Variants in TAF4B observed in about 807,000 individuals in gnomAD.
TAF4B encodes TATA-box binding protein associated factor 4b.
Under a neutral mutation model 86.4 loss-of-function variants are expected in TAF4B, and 38 were observed. That is an observed-to-expected ratio of 0.44 (90% CI 0.34 to 0.58). The LOEUF (loss-of-function observed/expected upper bound fraction) is 0.58. Among genes scored for constraint, TAF4B ranks in the 20% least tolerant of loss-of-function variants. TAF4B has a pLI of 0.02. For synonymous variants in TAF4B, 388 were observed against 391.2 expected (o/e 0.99, Z 0.10); for missense variants, 988 against 1,027.6 (o/e 0.96, Z 0.53).
chr18:26,305,943 T>C (rs2056790393), intron 9 of TAF4B, among the ~76,000 whole-genome samples: 1 of 152,156 alleles, frequency 6.6e-6, no homozygotes, highest in East Asian at 1.9e-4. Context: ...TATAGAAGAT[T>C]CCCATCTGAA....
In TAF4B at chr18:26,327,078, G is replaced by A. The variant is rs754959784; in HGVS notation, c.2197G>A (p.Asp733Asn). ...RSQLKFLEKL[D>N]QLEKQRKDLE... is the part of the protein sequence containing the mutation. ...ACAGCTCAAATTTCTTGAAAAGCTGGATCAATTGGAGAAGCAGAGAAAGGA... is the reference window on the plus strand; with the variant it reads ...ACAGCTCAAATTTCTTGAAAAGCTGAATCAATTGGAGAAGCAGAGAAAGGA... The change falls in exon 12 of 15, where the codon GAT becomes AAT. Residue 733 changes from aspartate to asparagine, a missense_variant. By Grantham distance (23) the Asp-to-Asn change is conservative. Coordinates refer to ENST00000269142, the MANE Select transcript of TAF4B (RefSeq NM_005640.3). 12 of 1,613,570 alleles carry A rather than the reference G, an allele frequency of 7.4e-6. No individual in the cohort carries two copies. Among genetic ancestry groups the A allele is most frequent in the African/African-American group, 1.3e-5 (1 of 74,908 alleles).
At chr18:26,246,525 CT>C (rs2055926412) in intron 1 of TAF4B, among the ~76,000 whole-genome samples, 1 of 149,094 alleles carries the variant, frequency 6.7e-6, no homozygotes, top group Non-Finnish European at 1.5e-5. Flanking sequence ...AGTTATTAAT[CT>C]CATTGTTTTT....
intron 13 of TAF4B, among the ~76,000 whole-genome samples, chr18:26,349,908 G>A (rs577123496): frequency 2.0e-5 from 3 of 152,106 alleles, no homozygotes; most frequent in Non-Finnish European, 4.4e-5. Context: ...GTTAATCAAG[G>A]TGTCTACAGC....
intron 5 of TAF4B, among the ~76,000 whole-genome samples, chr18:26,280,799 G>GTA (rs1568124787): frequency 6.6e-6 from 1 of 152,092 alleles, no homozygotes; most frequent in African/African-American, 2.4e-5. Context: ...CCATTACTGG[G>GTA]TATATATCCA....
At chr18:26,245,794 C>T (rs2055914849) in intron 1 of TAF4B, among the ~76,000 whole-genome samples, 3 of 152,198 alleles carry the variant, frequency 2.0e-5, no homozygotes, top group African/African-American at 7.2e-5. Flanking sequence ...GCTGGCTTCA[C>T]CTCTCATTAG....
At chr18:26,363,460 A>T (rs1297442616) in intron 14 of TAF4B, among the ~76,000 whole-genome samples, 3 of 149,598 alleles carry the variant, frequency 2.0e-5, no homozygotes, top group African/African-American at 7.4e-5. Flanking sequence ...GAGGGAGGAT[A>T]GCTTGGCCCA....
At chr18:26,329,372 A>C (rs191938848) in intron 12 of TAF4B, among the ~76,000 whole-genome samples, 4 of 152,194 alleles carry the variant, frequency 2.6e-5, no homozygotes, top group African/African-American at 9.6e-5. Context: ...TCTTTTCTTA[A>C]GCTTTTTGAA....
intron 1 of TAF4B, among the ~76,000 whole-genome samples, chr18:26,240,198 T>C (rs2055815402): frequency 6.6e-6 from 1 of 152,260 alleles, no homozygotes; most frequent in Admixed American, 6.5e-5. Context: ...ATTTTCATGA[T>C]ATTGATTCTT....
At chr18:26,238,900 C>T (rs1228078257) in intron 1 of TAF4B, among the ~76,000 whole-genome samples, 1 of 152,140 alleles carries the variant, frequency 6.6e-6, no homozygotes, top group Admixed American at 6.5e-5. Flanking sequence ...TCATCCATGT[C>T]CCTACAAAGG....
intron 1 of TAF4B, among the ~76,000 whole-genome samples, chr18:26,227,626 T>C (rs1177838744): frequency 6.6e-6 from 1 of 152,090 alleles, no homozygotes; most frequent in African/African-American, 2.4e-5. Context: ...TATGTAGAAG[T>C]GCGTTGTACT....
At position 26,226,754 on chromosome 18, in the gene TAF4B, C is replaced by T. The variant is rs2055580474; in HGVS notation, c.-180C>T. 4.2e-6 allele frequency: 2 copies of T among 471,350 alleles called. No homozygotes were observed. The highest frequency in any genetic ancestry group is 4.4e-5 in the Admixed American group (1 of 22,734). 29.2% of individuals were successfully genotyped at this position (471,350 alleles called of 1,614,324 possible). The stretch of plus-strand genomic sequence containing the variant: ...GCGCGGACGAGAGGAAGGTCCGGGA[C>T]GCGCGTGTCCTGCCGTGCAGCGGGC... On this transcript the variant is annotated 5_prime_UTR_variant, in exon 1 of 15. It adds an upstream start codon to the 5' untranslated region. Transcript: ENST00000269142.
At chr18:26,237,503 C>T (rs1038661608) in intron 1 of TAF4B, among the ~76,000 whole-genome samples, 5 of 151,600 alleles carry the variant, frequency 3.3e-5, no homozygotes, top group Admixed American at 2.6e-4. Flanking sequence ...TTTTGTGGTC[C>T]CTTGGAGATT....
intron 6 of TAF4B, among the ~76,000 whole-genome samples, chr18:26,282,740 C>T (rs1278066117): frequency 1.3e-5 from 2 of 152,204 alleles, no homozygotes; most frequent in Non-Finnish European, 2.9e-5. Flanking sequence ...TGTCTGATAG[C>T]ATTTCACACA....
At chr18:26,299,896 G>A (rs1365397483) in intron 9 of TAF4B, among the ~76,000 whole-genome samples, 1 of 151,944 alleles carries the variant, frequency 6.6e-6, no homozygotes, top group Admixed American at 6.6e-5. Context: ...TTTTATTTTT[G>A]TAGTTGACTT....
chr18:26,310,433 T>G (rs1291980865), intron 9 of TAF4B, among the ~76,000 whole-genome samples: 3 of 152,208 alleles, frequency 2.0e-5, no homozygotes, highest in East Asian at 3.9e-4. Context: ...TTTGAGTTAA[T>G]AAGAAGAGAG....
intron 7 of TAF4B, among the ~76,000 whole-genome samples, chr18:26,288,060 G>A (rs1206846109): frequency 1.3e-5 from 2 of 152,280 alleles, no homozygotes; most frequent in African/African-American, 4.8e-5. Context: ...GGGCAGCCAG[G>A]TTTGAGAACC....
At chr18:26,283,230 C>T (rs2056471487) in intron 6 of TAF4B, among the ~76,000 whole-genome samples, 1 of 152,100 alleles carries the variant, frequency 6.6e-6, no homozygotes, top group Non-Finnish European at 1.5e-5. Context: ...GAATCACTGT[C>T]TATGGCAGCC....
Position 26,256,396 on chromosome 18 carries a change from C to T in TAF4B, c.344-8774C>T. The T allele has an allele frequency of 6.0e-6, 7 of 1,176,196 alleles. No individual in the cohort carries two copies. In the South Asian group the frequency reaches 8.5e-5, roughly 14 times the overall value. The allele number at this position is 1,176,196 out of a possible 1,614,324, so 72.9% of individuals were successfully genotyped here. A position where few individuals can be genotyped will look rare whatever the true frequency, so the allele number is the denominator to read the frequency against. On this transcript the variant is annotated intron_variant, in intron 1 of 14. Transcript: ENST00000269142. ...CAAAAGTCTTCCAAAAGCAGCCGTTCCACGCGCAATAACGTCCCCGAGGTG... is the reference window on the plus strand; with the variant it reads ...CAAAAGTCTTCCAAAAGCAGCCGTTTCACGCGCAATAACGTCCCCGAGGTG...
In TAF4B at chr18:26,229,962, A is replaced by T. The variant is rs541045846; in HGVS notation, c.343+2686A>T. On this transcript the variant is annotated intron_variant, in intron 1 of 14. Transcript: ENST00000269142. ...CTATGAACAGAACTGGTTTAAAAAA[A>T]AAATATATATATATATACACACACA... Among the ~76,000 whole-genome samples, 434 of 149,592 alleles carry T rather than the reference A, an allele frequency of 2.9e-3. 3 individuals are homozygous for T. The highest frequency in any genetic ancestry group is 8.5e-3 in the African/African-American group (338 of 39,942).
Sources: gnomAD v4.1 joint callset for allele counts (sites outside exome capture counted in the v4.1 genomes callset) on GRCh38, gnomAD v4.1.1 for gene constraint, MANE v1.5 for transcripts, NCBI Gene and HGNC (gene_info 2026-07-23, HGNC 2026-07-21) for gene names.